STAB1: variants seen among roughly 807,000 people sequenced by gnomAD.
STAB1 encodes the protein stabilin-1.
In STAB1, 250 loss-of-function variants were observed where a neutral mutation model predicts 332.4. That is an observed-to-expected ratio of 0.75 (90% CI 0.68 to 0.84). The LOEUF (loss-of-function observed/expected upper bound fraction) is 0.84. Ranked by LOEUF, STAB1 falls within the 40% of genes least tolerant of loss-of-function variation. STAB1 has a pLI of 0.00. For synonymous variants in STAB1, 1,475 were observed against 1,390.4 expected, an observed-to-expected ratio of 1.06 and a Z score of -1.35; for missense variants, 3,249 against 3,489.7, an observed-to-expected ratio of 0.93 and a Z score of 1.74.
chr3:52,497,347 G>A (rs561432172), intron 1 of STAB1, among the ~76,000 whole-genome samples: 8 of 150,156 alleles, frequency 5.3e-5, no homozygotes, highest in South Asian at 2.1e-4. Context: ...ATTATAAGTC[G>A]TCTAAGGATG....
intron 5 of STAB1, among the ~76,000 whole-genome samples, 156 bp downstream of exon 5, chr3:52,502,384 C>T (rs911488661): frequency 6.6e-6 from 1 of 152,230 alleles, no homozygotes; most frequent in African/African-American, 2.4e-5. Flanking sequence ...TGTTTTATCA[C>T]ACCTCCAGCC....
At chr3:52,503,683 G>T in intron 8 of STAB1, 89 bp from the exon 9 acceptor site, 1 of 1,582,482 alleles carries the variant, frequency 6.3e-7, no homozygotes, top group Non-Finnish European at 8.6e-7. Flanking sequence ...TCTTCAGGGA[G>T]GGGCTGAGCA....
At position 52,518,833 on chromosome 3, in the gene STAB1, CCT is replaced by C. The variant is rs769198954; in HGVS notation, c.5002_5003del (p.Ser1668ArgfsTer17). The C allele has an allele frequency of 1.9e-6, 3 of 1,607,880 alleles. No individual in the cohort carries two copies. Among genetic ancestry groups the C allele is most frequent in the Non-Finnish European group, 2.5e-6 (3 of 1,179,066 alleles). On this transcript the variant is annotated frameshift_variant, in exon 48 of 69. Transcript: ENST00000321725. LOFTEE classifies it high-confidence loss of function. ...DLLEQGYATALSGHPLRFSER... is the reference protein window; with the variant it reads ...DLLEQGYATAXSGHPLRFSER... ...TGCTGGAGCAGGGGTACGCCACGGC[CCT>C]CTCAGGGCACCCACTGCGCTTCAGC...
At chr3:52,496,221 G>A (rs1436437364) in intron 1 of STAB1, among the ~76,000 whole-genome samples, 1 of 152,230 alleles carries the variant, frequency 6.6e-6, no homozygotes, top group South Asian at 2.1e-4. Context: ...CCAGCCCCTC[G>A]GTCAGGTCCC....
In STAB1 at chr3:52,501,912, G is replaced by A. The variant is rs570125914; in HGVS notation, c.332-94G>A. 72 of 1,517,400 alleles carry A rather than the reference G, an allele frequency of 4.7e-5. 1 individual carries two copies. The South Asian group carries it at 7.7e-4, about 16-fold the overall frequency. 94.0% of individuals were successfully genotyped at this position (1,517,400 alleles called of 1,614,324 possible). On this transcript the variant is annotated intron_variant, in intron 3 of 68. Coordinates refer to ENST00000321725, the MANE Select transcript of STAB1 (RefSeq NM_015136.3). ...CGGCCCCCTTGCTCTTGCTTCCTTG[G>A]GGGAGGGGCCGAGTCTGGGGTTGGC...
chr3:52,505,836 T>TC, intron 15 of STAB1, 47 bp from the exon 16 acceptor site: 1 of 1,613,578 alleles, frequency 6.2e-7, no homozygotes, highest in Admixed American at 1.7e-5. Flanking sequence ...ACCTCCACGC[T>TC]CCCCCACAGT....
rs1351908215 is a variant in STAB1, at chr3:52,516,203, G to A, written c.4109G>A (p.Cys1370Tyr). ...EGFHGTACEVCELGRYGPNCT... is the reference protein window; with the variant it reads ...EGFHGTACEVYELGRYGPNCT... The stretch of plus-strand genomic sequence containing the variant: ...TTCCATGGAACGGCCTGTGAGGTGT[G>A]TGAGCTGGGCCGCTACGGGCCCAAC... The change falls in exon 38 of 69, where the codon TGT becomes TAT. Residue 1370 changes from cysteine (C) to tyrosine (Y), a missense_variant. Physicochemically the swap from Cys to Tyr is radical, Grantham distance 194 (BLOSUM62 -2). Coordinates refer to ENST00000321725, the MANE Select transcript of STAB1 (RefSeq NM_015136.3). The A allele has an allele frequency of 1.2e-6, 2 of 1,612,576 alleles. No individual in the cohort carries two copies. Among genetic ancestry groups the A allele is most frequent in the Non-Finnish European group, 1.7e-6 (2 of 1,179,856 alleles).
rs768815141 is a variant in STAB1 at position 52,505,319 on chromosome 3, A to G, written c.1519A>G (p.Arg507Gly). Residue 507 changes from arginine (R) to glycine (G), a missense_variant and splice_region_variant, in exon 14 of 69, where the codon AGA (arginine) becomes GGA (glycine). Physicochemically the swap from Arg to Gly is moderately radical, Grantham distance 125. Transcript: ENST00000321725. The part of the protein sequence containing the change: ...APSGTPGDPK[R>G]TIGQILASTE... ...CCCTCACACTCATCCCTCCTTACAG[A>G]GAACTATCGGACAGATCCTCGCCTC... 1.1e-4 allele frequency: 175 copies of G among 1,613,500 alleles called. No homozygotes were observed. In the Admixed American group the frequency reaches 2.9e-3, roughly 27 times the overall value.
At position 52,520,079 on chromosome 3, in the gene STAB1, C is replaced by T; in HGVS notation, c.5371C>T (p.Leu1791=). The part of the protein sequence containing the change: ...WLYHEDHRDK[L]AAILRGHMIR... Reference sequence around the variant, plus strand: ...GTACCATGAGGACCACCGTGACAAGCTAGCAGCCATTCTGCGGGGCCACAT... The same window carrying T: ...GTACCATGAGGACCACCGTGACAAGTTAGCAGCCATTCTGCGGGGCCACAT... The change falls in exon 51 of 69, where the codon CTA becomes TTA. Residue 1791 remains leucine, a synonymous_variant. Coordinates refer to ENST00000321725, the MANE Select transcript of STAB1 (RefSeq NM_015136.3). 1 of 1,612,078 alleles carries T rather than the reference C, an allele frequency of 6.2e-7. No individual in the cohort carries two copies. Among genetic ancestry groups the T allele is most frequent in the African/African-American group, 1.3e-5 (1 of 75,040 alleles).
At chr3:52,496,264 G>A (rs1377752603) in intron 1 of STAB1, among the ~76,000 whole-genome samples, 1 of 152,226 alleles carries the variant, frequency 6.6e-6, no homozygotes, top group Non-Finnish European at 1.5e-5. Flanking sequence ...GTCTGCTCAG[G>A]CCCCATGGTA....
intron 16 of STAB1, 49 bp from the exon 17 acceptor site, chr3:52,506,121 C>A: frequency 1.3e-6 from 2 of 1,576,618 alleles, no homozygotes; most frequent in East Asian, 4.6e-5. Context: ...GGCGTGGCCC[C>A]AAGGTATGGC....
rs117926505 is a variant in STAB1, at chr3:52,513,046, C to T, written c.3159-84C>T. The T allele has an allele frequency of 2.6e-6, 4 of 1,559,822 alleles. No homozygotes were observed. In the East Asian group the frequency reaches 9.6e-5, roughly 37 times the overall value. On this transcript the variant is annotated intron_variant, in intron 29 of 68. Transcript: ENST00000321725. Reference sequence around the variant, plus strand: ...GAGTCCTCAGCCTGGCAGGCACTCACCCCTTGGGGTGGGCCCAGCCCCAAA... The same window carrying T: ...GAGTCCTCAGCCTGGCAGGCACTCATCCCTTGGGGTGGGCCCAGCCCCAAA...
chr3:52,499,419 G>A (rs1211520684), intron 1 of STAB1, among the ~76,000 whole-genome samples: 3 of 152,284 alleles, frequency 2.0e-5, no homozygotes, highest in South Asian at 2.1e-4. Flanking sequence ...CATCTTCCAC[G>A]CCCCACCCAG....
intron 21 of STAB1, 91 bp downstream of exon 21, chr3:52,508,450 C>G (rs756725127): frequency 5.6e-6 from 7 of 1,241,646 alleles, no homozygotes; most frequent in South Asian, 2.4e-5. Context: ...CTGGGCCAAG[C>G]CTGCCACTCT....
In STAB1 at chr3:52,513,809, G is replaced by A. The variant is rs1209556250; in HGVS notation, c.3348+15G>A. The A allele has an allele frequency of 1.2e-6, 2 of 1,613,396 alleles. No individual in the cohort carries two copies. The highest frequency in any genetic ancestry group is 1.7e-6 in the Non-Finnish European group (2 of 1,179,998). Reference sequence around the variant, plus strand: ...TCCTCAGCCAGGTACAGCAGGAGGAGGGTGTGTGCAGGGAAACTTGCAGGC... The same window carrying A: ...TCCTCAGCCAGGTACAGCAGGAGGAAGGTGTGTGCAGGGAAACTTGCAGGC... On this transcript the variant is annotated intron_variant, in intron 31 of 68. Transcript: ENST00000321725.
chr3:52,522,094 A>T lies in STAB1; in HGVS notation c.6329A>T (p.Gln2110Leu). The change falls in exon 59 of 69, where the codon CAG becomes CTG. Residue 2110 changes from glutamine (Q) to leucine (L), a missense_variant. Physicochemically the swap from Gln to Leu is moderately radical, Grantham distance 113. Coordinates refer to ENST00000321725, the MANE Select transcript of STAB1 (RefSeq NM_015136.3). ...GGCSEHANCS[Q>L]VGTMVTCTCL... ...TGCAGTGAGCACGCCAACTGTAGCC[A>T]GGTAGGAACAATGGTCACTTGTACC... 6.2e-7 allele frequency: 1 copy of T among 1,613,122 alleles called. No homozygotes were observed. The highest frequency in any genetic ancestry group is 8.5e-7 in the Non-Finnish European group (1 of 1,179,994).
intron 9 of STAB1, 45 bp from the exon 10 acceptor site, chr3:52,503,983 G>A (rs1311216439): frequency 1.9e-6 from 3 of 1,609,812 alleles, no homozygotes; most frequent in African/African-American, 1.3e-5. Context: ...GTGCGGTGGG[G>A]GGGGCCTCAG....
At chr3:52,513,650 G>T in intron 30 of STAB1, 67 bp from the exon 31 acceptor site, 1 of 1,515,650 alleles carries the variant, frequency 6.6e-7, no homozygotes, top group Non-Finnish European at 8.9e-7. Context: ...TCTCTCTGTT[G>T]GGGCTGCCCC....
chr3:52,522,508 C>T, intron 60 of STAB1, 34 bp downstream of exon 60: 1 of 1,613,082 alleles, frequency 6.2e-7, no homozygotes, highest in Non-Finnish European at 8.5e-7. Flanking sequence ...GTACCCATTT[C>T]ATTCCTCAGA....
Sources: allele counts gnomAD v4.1 joint callset (sites outside exome capture counted in the v4.1 genomes callset), GRCh38; gene constraint gnomAD v4.1.1; transcripts MANE v1.5; gene names NCBI Gene and HGNC (gene_info 2026-07-23, HGNC 2026-07-21).